Variants in FGD3 observed in about 807,000 individuals in gnomAD.
FGD3 encodes the protein FYVE, RhoGEF and PH domain containing 3.
A neutral mutation model predicts 71.8 loss-of-function variants in FGD3; 45 were observed. That is an observed-to-expected ratio of 0.63 (90% CI 0.49 to 0.80). The LOEUF (loss-of-function observed/expected upper bound fraction) is 0.80, where lower values mean the gene tolerates loss of function less well. FGD3 is among the 30% of genes least tolerant of loss of function. The probability of loss-of-function intolerance (pLI) is 0.00; values close to 1 mark genes in which losing one functional copy is unlikely to be tolerated. For synonymous variants in FGD3, 378 were observed against 392.8 expected, an observed-to-expected ratio of 0.96 and a Z score of 0.44; for missense variants, 844 against 951.5, an observed-to-expected ratio of 0.89 and a Z score of 1.49.
rs778422555 is a variant in FGD3, at chr9:93,003,961, A to G, written c.544-40A>G. On this transcript the variant is annotated intron_variant, in intron 4 of 17. Transcript: ENST00000375482. This position sits in a 1 kb window ranked among gnomAD's most constrained non-coding sequence, Gnocchi z 4.1. ...GCGGGGCGGCAACTGTGCTCAGTGG[A>G]AGAGGCTCACTGGCCACACGTGGGC... 1.2e-6 allele frequency: 2 copies of G among 1,611,894 alleles called. No homozygotes were observed. Among genetic ancestry groups the G allele is most frequent in the Non-Finnish European group, 1.7e-6 (2 of 1,178,860 alleles).
intron 15 of FGD3, 22 bp downstream of exon 15, chr9:93,030,018 C>G (rs369315744): frequency 4.0e-5 from 65 of 1,607,974 alleles, no homozygotes; most frequent in Non-Finnish European, 5.4e-5. Context: ...GAGAGGGGGA[C>G]AGGGACAGGA....
At chr9:93,002,897 A>C (rs1385341325) in intron 3 of FGD3, 28 bp from the exon 4 acceptor site, 2 of 1,609,616 alleles carry the variant, frequency 1.2e-6, no homozygotes, top group Admixed American at 1.7e-5. Context: ...CATCTTCCCC[A>C]GGTGAGCTGC....
Position 93,029,947 on chromosome 9 carries a change from C to A in FGD3, c.1631C>A (p.Thr544Asn). ...CAGAGCTGTAAGAGCTGTGGTGAGA[C>A]CTTCAACTCCATCACCAAGAGGAGG... ...EKQSCKSCGE[T>N]FNSITKRRHH... Residue 544 changes from threonine (T) to asparagine (N), a missense_variant, in exon 15 of 18, where the codon ACC (threonine) becomes AAC (asparagine). Thr to Asn is a moderately conservative substitution (Grantham distance 65). Transcript: ENST00000375482. The A allele has an allele frequency of 6.2e-7, 1 of 1,613,592 alleles. No individual in the cohort carries two copies. Among genetic ancestry groups the A allele is most frequent in the Non-Finnish European group, 8.5e-7 (1 of 1,179,764 alleles).
chr9:92,978,984 G>T (rs991533287), intron 3 of FGD3, among the ~76,000 whole-genome samples: 1 of 151,076 alleles, frequency 6.6e-6, no homozygotes, highest in African/African-American at 2.4e-5. Context: ...TACTGAACTG[G>T]TTCGTTAGTC....
intron 14 of FGD3, among the ~76,000 whole-genome samples, chr9:93,024,091 T>C (rs1862033252): frequency 6.6e-6 from 1 of 152,150 alleles, no homozygotes; most frequent in Non-Finnish European, 1.5e-5. Flanking sequence ...GCCCAGCCTA[T>C]GATGGGAATC....
chr9:92,970,368 A>C (rs981674149), intron 1 of FGD3, among the ~76,000 whole-genome samples: 2 of 152,246 alleles, frequency 1.3e-5, no homozygotes, highest in Non-Finnish European at 2.9e-5. Context: ...TTATTCAAGC[A>C]CAAGGTTGAG....
At chr9:92,948,012 G>A (rs1440387974) in intron 1 of FGD3, among the ~76,000 whole-genome samples, 1 of 152,028 alleles carries the variant, frequency 6.6e-6, no homozygotes, top group Non-Finnish European at 1.5e-5. Context: ...CCCCCGGCTC[G>A]GGAACAGGAT....
intron 16 of FGD3, 168 bp downstream of exon 16, chr9:93,033,041 A>C (rs916566740): frequency 1.4e-6 from 1 of 712,030 alleles, no homozygotes; most frequent in Admixed American, 2.0e-5. Context: ...CACACTCGGA[A>C]GATCCCGTGT....
intron 1 of FGD3, among the ~76,000 whole-genome samples, chr9:92,974,001 A>G (rs1859630603): frequency 1.3e-5 from 2 of 152,186 alleles, no homozygotes. Flanking sequence ...AGCTGGGGCA[A>G]TAGGAGGGCT....
rs755249218 is a variant in FGD3, at chr9:93,035,424, G to C, written c.2013G>C (p.Val671=). 6.2e-7 allele frequency: 1 copy of C among 1,612,386 alleles called. No individual in the cohort carries two copies. Among genetic ancestry groups the C allele is most frequent in the East Asian group, 2.2e-5 (1 of 44,830 alleles). ...AGGAGAGGCTGGACTCGGGGCATGT[G>C]TGGAAGCTGCAGTGGGCCAAGCAGT... The part of the protein sequence containing the change: ...DPEERLDSGH[V]WKLQWAKQSW... Residue 671 remains valine, a synonymous_variant, in exon 18 of 18, where the codon GTG becomes GTC. Transcript: ENST00000375482.
Position 93,003,029 on chromosome 9 carries a change from T to G in FGD3, c.543+15T>G. 6.2e-7 allele frequency: 1 copy of G among 1,612,666 alleles called. No individual in the cohort carries two copies. The highest frequency in any genetic ancestry group is 8.5e-7 in the Non-Finnish European group (1 of 1,178,654). ...TGCTGGACCAGGTAGCCCACATGGC[T>G]TGGGGGCAGTTTCAGTATCTCTTAG... On this transcript the variant is annotated intron_variant, in intron 4 of 17. Transcript: ENST00000375482. The surrounding 1 kb of genome is among the most constrained non-coding windows in gnomAD (Gnocchi z 4.1).
At chr9:92,948,562 T>C (rs889528178) in intron 1 of FGD3, among the ~76,000 whole-genome samples, 1 of 152,248 alleles carries the variant, frequency 6.6e-6, no homozygotes, top group East Asian at 1.9e-4. Flanking sequence ...ACAGGTATCA[T>C]TGCCTAAAAT....
intron 3 of FGD3, among the ~76,000 whole-genome samples, chr9:92,988,472 G>A (rs908853610): frequency 9.2e-5 from 14 of 152,194 alleles, no homozygotes; most frequent in Non-Finnish European, 1.9e-4. Flanking sequence ...ACCATCACCT[G>A]ATGATGGTCA....
intron 6 of FGD3, among the ~76,000 whole-genome samples, chr9:93,009,956 A>G (rs372429608): frequency 6.4e-4 from 97 of 152,342 alleles, no homozygotes; most frequent in African/African-American, 2.3e-3. Flanking sequence ...AGGAGGAGAC[A>G]GTCCTGTCCA....
chr9:93,019,714 T>A (rs1367908886), intron 11 of FGD3, 117 bp from the exon 12 acceptor site: 1 of 990,564 alleles, frequency 1.0e-6, no homozygotes, highest in Non-Finnish European at 1.6e-6. Context: ...TTCCAATCCT[T>A]GAGCTGCGTT....
chr9:92,998,405 T>C (rs190541596), intron 3 of FGD3, among the ~76,000 whole-genome samples: 191 of 152,330 alleles, frequency 1.3e-3, no homozygotes, highest in African/African-American at 4.3e-3. Context: ...TTCTTTGCGA[T>C]GGGTTCAAAC....
chr9:92,979,082 A>C (rs1859890621), intron 3 of FGD3, among the ~76,000 whole-genome samples: 1 of 151,788 alleles, frequency 6.6e-6, no homozygotes, highest in Non-Finnish European at 1.5e-5. Flanking sequence ...TTCCTTTCCA[A>C]TTTGGATGAC....
chr9:92,980,488 T>C (rs920594308), intron 3 of FGD3, among the ~76,000 whole-genome samples: 2 of 152,168 alleles, frequency 1.3e-5, no homozygotes, highest in African/African-American at 2.4e-5. Context: ...TCCTTCCTCC[T>C]GCTAGCTTCA....
At chr9:93,014,353 T>G (rs556789487) in intron 9 of FGD3, among the ~76,000 whole-genome samples, 1 of 152,240 alleles carries the variant, frequency 6.6e-6, no homozygotes, top group African/African-American at 2.4e-5. Flanking sequence ...CAGTTTCAAC[T>G]ATTCCTGAGC....
Sources: gnomAD v4.1 joint callset for allele counts (sites outside exome capture counted in the v4.1 genomes callset) on GRCh38, gnomAD v4.1.1 for gene constraint, Gnocchi (gnomAD v3.1) non-coding constraint, MANE v1.5 for transcripts, NCBI Gene and HGNC (gene_info 2026-07-23, HGNC 2026-07-21) for gene names.